Variants in ADIPOR2 observed in about 807,000 individuals in gnomAD.
The protein encoded by ADIPOR2 is adiponectin receptor protein 2.
ADIPOR2 carries 18 observed loss-of-function variants against 40.9 expected under a neutral mutation model. The ratio of observed to expected loss-of-function variants is 0.44; its 90% CI spans 0.30 to 0.65. The LOEUF (loss-of-function observed/expected upper bound fraction) is 0.65. ADIPOR2 is among the 30% of genes least tolerant of loss of function. ADIPOR2 has a pLI of 0.09. For synonymous variants in ADIPOR2, 165 were observed against 166.4 expected, an observed-to-expected ratio of 0.99 and a Z score of 0.06; for missense variants, 283 against 479.2, an observed-to-expected ratio of 0.59 and a Z score of 3.82.
chr12:1,732,432 C>A (rs965075871), intron 1 of ADIPOR2, among the ~76,000 whole-genome samples: 2 of 152,196 alleles, frequency 1.3e-5, no homozygotes, highest in African/African-American at 4.8e-5. Flanking sequence ...AGATTGATTT[C>A]TTTCCATTGG....
chr12:1,772,510 C>T (rs1263835149), intron 2 of ADIPOR2, among the ~76,000 whole-genome samples: 1 of 152,038 alleles, frequency 6.6e-6, no homozygotes. Flanking sequence ...TGGAGGTTTT[C>T]CCCTTAGTAA....
rs1592621235 is a variant in ADIPOR2, at chr12:1,763,980, A to G, written c.172-8862A>G. 2.0e-5 allele frequency among the ~76,000 whole-genome samples: 3 copies of G among 152,220 alleles called. No individual in the cohort carries two copies. In the South Asian group the frequency reaches 6.2e-4, roughly 32 times the overall value. ...GGCAACAGAGTAAGACCCTGGCTCA[A>G]AACAAAAAATTACACATATAATGTA... On this transcript the variant is annotated intron_variant, in intron 2 of 7. Transcript: ENST00000357103.
chr12:1,757,730 C>T, intron 2 of ADIPOR2: 1 of 1,294,880 alleles, frequency 7.7e-7, no homozygotes. Flanking sequence ...AAATTCTCCC[C>T]CGTCTTGTCA....
chr12:1,785,794 G>A, intron 7 of ADIPOR2, 150 bp from the exon 8 acceptor site: 1 of 1,075,824 alleles, frequency 9.3e-7, no homozygotes, highest in Non-Finnish European at 1.3e-6. Flanking sequence ...GATGTTCCAG[G>A]ATCTGTGGAC....
At chr12:1,692,133 A>G (rs1405760761) in intron 1 of ADIPOR2, among the ~76,000 whole-genome samples, 1 of 149,822 alleles carries the variant, frequency 6.7e-6, no homozygotes, top group Non-Finnish European at 1.5e-5. Context: ...GAATCCCTTT[A>G]AACGCCAAGA....
At chr12:1,763,237 T>G (rs1862306115) in intron 2 of ADIPOR2, among the ~76,000 whole-genome samples, 1 of 152,234 alleles carries the variant, frequency 6.6e-6, no homozygotes, top group Non-Finnish European at 1.5e-5. Flanking sequence ...AGTTCCCCTA[T>G]GTGATTGTGA....
intron 1 of ADIPOR2, among the ~76,000 whole-genome samples, chr12:1,693,078 C>T (rs1379490442): frequency 6.6e-6 from 1 of 152,036 alleles, no homozygotes; most frequent in African/African-American, 2.4e-5. Context: ...TCGTTTAAAC[C>T]CGGGAGGTAG....
At chr12:1,703,496 G>A (rs1432287928) in intron 1 of ADIPOR2, among the ~76,000 whole-genome samples, 1 of 152,118 alleles carries the variant, frequency 6.6e-6, no homozygotes, top group Non-Finnish European at 1.5e-5. Context: ...AGTACTTTGG[G>A]AAGCTGAGAT....
intron 1 of ADIPOR2, among the ~76,000 whole-genome samples, chr12:1,713,351 T>C (rs1271291385): frequency 6.6e-6 from 1 of 152,080 alleles, no homozygotes; most frequent in Non-Finnish European, 1.5e-5. Context: ...CACTGACTGG[T>C]TTTTGTACTC....
At chr12:1,741,284 G>T (rs1301115801) in intron 1 of ADIPOR2, among the ~76,000 whole-genome samples, 1 of 151,998 alleles carries the variant, frequency 6.6e-6, no homozygotes, top group Admixed American at 6.6e-5. Context: ...GGATAGGGAG[G>T]CCTGTTAGGG....
intron 1 of ADIPOR2, among the ~76,000 whole-genome samples, chr12:1,730,489 C>G (rs958686967): frequency 6.6e-6 from 1 of 151,744 alleles, no homozygotes; most frequent in Non-Finnish European, 1.5e-5. Flanking sequence ...CGGTGGCGGG[C>G]GCCTGTAGTC....
intron 4 of ADIPOR2, chr12:1,778,362 A>G (rs1194120779): frequency 5.4e-6 from 1 of 186,074 alleles, no homozygotes; most frequent in East Asian, 1.7e-4. Flanking sequence ...ATCTTTTAAA[A>G]TGCATTACTT....
intron 1 of ADIPOR2, among the ~76,000 whole-genome samples, chr12:1,748,277 C>A (rs2094760302): frequency 1.3e-5 from 2 of 151,994 alleles, no homozygotes; most frequent in Admixed American, 1.3e-4. Context: ...GAGACGGAGT[C>A]TCTCTCTGTC....
At chr12:1,768,496 G>A (rs1862429745) in intron 2 of ADIPOR2, among the ~76,000 whole-genome samples, 1 of 152,032 alleles carries the variant, frequency 6.6e-6, no homozygotes, top group African/African-American at 2.4e-5. Context: ...TTATTAGATT[G>A]TAAGTCCATG....
chr12:1,780,412 G>C (rs1565659151), intron 4 of ADIPOR2, 39 bp from the exon 5 acceptor site: 1 of 1,534,398 alleles, frequency 6.5e-7, no homozygotes, highest in Non-Finnish European at 8.8e-7. Context: ...CTCTTCTAAA[G>C]GGTGATATTT....
At chr12:1,755,117 G>C (rs1862095665) in intron 2 of ADIPOR2, among the ~76,000 whole-genome samples, 1 of 136,218 alleles carries the variant, frequency 7.3e-6, no homozygotes, top group South Asian at 2.5e-4. Context: ...GTCTTGTTCT[G>C]TCGCCAGGCT....
At chr12:1,770,590 T>C (rs1406840949) in intron 2 of ADIPOR2, among the ~76,000 whole-genome samples, 1 of 152,248 alleles carries the variant, frequency 6.6e-6, no homozygotes, top group Non-Finnish European at 1.5e-5. Flanking sequence ...ACAGCCCTCA[T>C]TAACTTATTG....
chr12:1,713,815 G>C (rs935478591), intron 1 of ADIPOR2, among the ~76,000 whole-genome samples: 1 of 152,076 alleles, frequency 6.6e-6, no homozygotes, highest in African/African-American at 2.4e-5. Flanking sequence ...GAGGACAGCT[G>C]TCCGGGACAG....
At chr12:1,767,487 AT>A (rs138301736) in intron 2 of ADIPOR2, among the ~76,000 whole-genome samples, 9,954 of 150,754 alleles carry the variant, frequency 0.066, 853 homozygotes, top group African/African-American at 0.19. Flanking sequence ...TTCAGCTATC[AT>A]TTTTTTTTGT....
Sources: gnomAD v4.1 joint callset for allele counts (sites outside exome capture counted in the v4.1 genomes callset) on GRCh38, gnomAD v4.1.1 for gene constraint, MANE v1.5 for transcripts, NCBI Gene and HGNC (gene_info 2026-07-23, HGNC 2026-07-21) for gene names.